Variants in KIAA1217 observed in about 807,000 individuals in gnomAD.
KIAA1217 encodes the protein sickle tail protein homolog.
KIAA1217 carries 88 observed loss-of-function variants against 163.9 expected under a neutral mutation model. That is an observed-to-expected ratio of 0.54 (90% confidence interval 0.45 to 0.64). KIAA1217 has a LOEUF of 0.64. Ranked by LOEUF, KIAA1217 falls within the 30% of genes least tolerant of loss-of-function variation. KIAA1217 has a pLI of 0.00. For synonymous variants in KIAA1217, 903 were observed against 923.1 expected (o/e 0.98, Z 0.39); for missense variants, 2,372 against 2,475.0 (o/e 0.96, Z 0.88).
At chr10:24,049,961 C>T (rs1849374974) in intron 2 of KIAA1217, among the ~76,000 whole-genome samples, 1 of 152,164 alleles carries the variant, frequency 6.6e-6, no homozygotes, top group South Asian at 2.1e-4. Flanking sequence ...ACTTCCTCTC[C>T]AGCATCTGTT....
At chr10:23,957,282 G>A (rs541976665) in intron 1 of KIAA1217, among the ~76,000 whole-genome samples, 6 of 152,210 alleles carry the variant, frequency 3.9e-5, no homozygotes, top group East Asian at 1.9e-4. Context: ...GCTGTCAGTC[G>A]TTTCCTCCAA....
chr10:24,311,872 C>T (rs573787098), intron 2 of KIAA1217, among the ~76,000 whole-genome samples: 46 of 152,198 alleles, frequency 3.0e-4, no homozygotes, highest in African/African-American at 1.1e-3. Context: ...GCAGGTGGCA[C>T]CTGGGCTTTG....
At chr10:23,931,248 T>C (rs1417730889) in intron 1 of KIAA1217, among the ~76,000 whole-genome samples, 1 of 152,136 alleles carries the variant, frequency 6.6e-6, no homozygotes, top group East Asian at 1.9e-4. Context: ...AGCATTAGCT[T>C]GTCCATTTCA....
rs771733667 is a variant in KIAA1217 at position 24,544,020 on chromosome 10, G to T, written c.4750G>T (p.Ala1584Ser). The change falls in exon 19 of 21, where the codon GCT (alanine) becomes TCT (serine). Residue 1584 changes from alanine (A) to serine (S), a missense_variant. Physicochemically the swap from Ala to Ser is moderately conservative, Grantham distance 99. This residue lies in a region of KIAA1217 where 690 missense variants were observed against 677.5 expected (regional missense o/e 1.02). Transcript: ENST00000376454. ...KFKFPKKQLAALTQAIRTGTK... is the reference protein window; with the variant it reads ...KFKFPKKQLASLTQAIRTGTK... ...CAAATTCCCTAAGAAGCAACTCGCC[G>T]CTCTCACTCAAGCCATTCGCACCGG... 3.1e-6 allele frequency: 5 copies of T among 1,614,108 alleles called. No individual in the cohort carries two copies. The highest frequency in any genetic ancestry group is 4.2e-6 in the Non-Finnish European group (5 of 1,180,024).
chr10:23,929,617 T>A (rs980118632), intron 1 of KIAA1217, among the ~76,000 whole-genome samples: 4 of 152,184 alleles, frequency 2.6e-5, no homozygotes, highest in African/African-American at 9.7e-5. Flanking sequence ...TCCAGCTGCG[T>A]CCATGTTGCT....
intron 1 of KIAA1217, among the ~76,000 whole-genome samples, chr10:23,842,193 A>G (rs11813754): frequency 6.6e-6 from 1 of 152,094 alleles, no homozygotes; most frequent in Admixed American, 6.6e-5. Context: ...TTATATCTGC[A>G]TATCTGCCTT....
chr10:24,394,366 T>A (rs764079323), intron 3 of KIAA1217, among the ~76,000 whole-genome samples: 2 of 152,330 alleles, frequency 1.3e-5, no homozygotes, highest in East Asian at 1.9e-4. Context: ...CATCTCCCTA[T>A]AATATAAAGC....
chr10:24,361,352 G>T (rs139296311), intron 2 of KIAA1217, among the ~76,000 whole-genome samples: 1 of 151,846 alleles, frequency 6.6e-6, no homozygotes, highest in Non-Finnish European at 1.5e-5. Context: ...CATGCCTGGC[G>T]AATTTTTGTA....
At chr10:23,992,863 G>A (rs1282199412) in intron 1 of KIAA1217, among the ~76,000 whole-genome samples, 1 of 151,614 alleles carries the variant, frequency 6.6e-6, no homozygotes, top group Non-Finnish European at 1.5e-5. Flanking sequence ...GGTGGCAGGA[G>A]GAAGAAAGGC....
In KIAA1217 at chr10:23,800,209, TG is replaced by T. The variant is rs1484437088; in HGVS notation, c.-321+104976del. Among the ~76,000 whole-genome samples the T allele has an allele frequency of 2.6e-5, 4 of 152,310 alleles. No homozygotes were observed. The South Asian group carries it at 8.3e-4, about 32-fold the overall frequency. ...TAGGAAATAAGACACTAATCCATAC[TG>T]TATGAATTTGTTTCTCTGTTTATGT... On this transcript the variant is annotated intron_variant, in intron 1 of 18. Coordinates refer to the KIAA1217 transcript ENST00000376462.
intron 2 of KIAA1217, among the ~76,000 whole-genome samples, chr10:24,187,994 T>C (rs1209395506): frequency 1.3e-5 from 2 of 151,984 alleles, no homozygotes; most frequent in Admixed American, 1.3e-4. Flanking sequence ...GGTCAGGAGT[T>C]CGAGACCAGC....
At chr10:24,001,589 A>G (rs1394757086) in intron 1 of KIAA1217, among the ~76,000 whole-genome samples, 2 of 152,210 alleles carry the variant, frequency 1.3e-5, no homozygotes, top group African/African-American at 4.8e-5. Context: ...TATTTTTATT[A>G]CCATCATTAT....
At chr10:23,982,011 A>T (rs1299141187) in intron 1 of KIAA1217, among the ~76,000 whole-genome samples, 4 of 151,630 alleles carry the variant, frequency 2.6e-5, no homozygotes. Context: ...AGCAAAAGGA[A>T]CCTCCCAAAA....
intron 2 of KIAA1217, among the ~76,000 whole-genome samples, chr10:24,243,482 T>C (rs1314169585): frequency 3.4e-5 from 5 of 148,790 alleles, no homozygotes; most frequent in African/African-American, 1.2e-4. Flanking sequence ...TATATACCAA[T>C]TGTTTAACTC....
chr10:24,227,520 C>A (rs2070749890), intron 2 of KIAA1217, among the ~76,000 whole-genome samples: 1 of 150,006 alleles, frequency 6.7e-6, no homozygotes, highest in African/African-American at 2.5e-5. Flanking sequence ...AAAATGAACA[C>A]CAATATGAGC....
intron 2 of KIAA1217, among the ~76,000 whole-genome samples, chr10:24,225,930 G>A (rs1194582431): frequency 2.0e-5 from 3 of 152,248 alleles, no homozygotes; most frequent in Non-Finnish European, 2.9e-5. Flanking sequence ...TTTCTGTTGC[G>A]TGAAGGAATG....
intron 5 of KIAA1217, among the ~76,000 whole-genome samples, chr10:24,459,138 C>T (rs1592115122): frequency 6.6e-6 from 1 of 152,180 alleles, no homozygotes; most frequent in Admixed American, 6.5e-5. Flanking sequence ...GAGTAACTCA[C>T]TGGTTGGGTC....
chr10:23,793,385 A>G (rs537588800), intron 1 of KIAA1217, among the ~76,000 whole-genome samples: 38 of 152,296 alleles, frequency 2.5e-4, no homozygotes, highest in African/African-American at 7.9e-4. Flanking sequence ...ATTCCATGTC[A>G]CTGATGGCTT....
chr10:24,078,724 G>C (rs2061445616), intron 2 of KIAA1217, among the ~76,000 whole-genome samples: 1 of 152,144 alleles, frequency 6.6e-6, no homozygotes, highest in African/African-American at 2.4e-5. Context: ...TGCATATGGA[G>C]ATATGCAAGA....
Sources: allele counts gnomAD v4.1 joint callset (sites outside exome capture counted in the v4.1 genomes callset), GRCh38; gene constraint gnomAD v4.1.1; regional missense constraint gnomAD v4.1.1; transcripts MANE v1.5; gene names NCBI Gene and HGNC (gene_info 2026-07-23, HGNC 2026-07-21).